Variants in BRD10 observed in about 807,000 individuals in gnomAD.
BRD10 encodes uncharacterized bromodomain-containing protein 10.
chr9:5,904,008 C>G, the BRD10 span, among the ~76,000 whole-genome samples: 1 of 152,042 alleles, frequency 6.6e-6, no homozygotes, highest in Admixed American at 6.6e-5. Context: ...CAGGTGTGCG[C>G]CACCAAGCCT....
At chr9:5,907,133 G>A in the BRD10 span, 6 of 441,792 alleles carry the variant, frequency 1.4e-5, no homozygotes, top group Non-Finnish European at 2.0e-5. Context: ...ACCTAAAAAT[G>A]GTTAAAATGG....
At chr9:5,972,909 A>G in the BRD10 span, among the ~76,000 whole-genome samples, 1 of 152,232 alleles carries the variant, frequency 6.6e-6, no homozygotes, top group Non-Finnish European at 1.5e-5. Context: ...AGAAATTTCC[A>G]TTCAGAGTAA....
At chr9:5,900,711 A>C in the BRD10 span, among the ~76,000 whole-genome samples, 1 of 152,132 alleles carries the variant, frequency 6.6e-6, no homozygotes, top group Non-Finnish European at 1.5e-5. Context: ...CTTGGTTAAC[A>C]ATTCCCCTGA....
At chr9:5,922,855 C>T in the BRD10 span, 78 of 1,613,810 alleles carry the variant, frequency 4.8e-5, no homozygotes, top group Admixed American at 7.8e-4. Context: ...CTGGCTTTAT[C>T]GGGCTTGCTT....
the BRD10 span, among the ~76,000 whole-genome samples, chr9:5,985,742 G>A: frequency 5.9e-5 from 9 of 151,662 alleles, no homozygotes; most frequent in African/African-American, 1.2e-4. Context: ...CCAAGGTTGC[G>A]CCACTGCACT....
chr9:5,923,448 G>C, the BRD10 span: 1 of 635,754 alleles, frequency 1.6e-6, no homozygotes, highest in Admixed American at 3.0e-5. Flanking sequence ...AAAAGCCTTA[G>C]CACCACTGAT....
At chr9:5,902,935 C>G in the BRD10 span, among the ~76,000 whole-genome samples, 1 of 152,132 alleles carries the variant, frequency 6.6e-6, no homozygotes, top group Admixed American at 6.6e-5. Flanking sequence ...GATCTTTCTT[C>G]TTCTCTAATA....
the BRD10 span, among the ~76,000 whole-genome samples, chr9:5,977,257 C>T: frequency 1.3e-5 from 2 of 152,194 alleles, no homozygotes; most frequent in Admixed American, 6.5e-5. Context: ...ACTCACACTG[C>T]TGCTGTTCCT....
the BRD10 span, among the ~76,000 whole-genome samples, chr9:5,945,878 T>C: frequency 1.3e-5 from 2 of 152,212 alleles, no homozygotes; most frequent in African/African-American, 4.8e-5. Context: ...AAAAGTCTTA[T>C]TGTAATGTTT....
the BRD10 span, among the ~76,000 whole-genome samples, chr9:5,986,558 C>A: frequency 6.6e-6 from 1 of 152,182 alleles, no homozygotes; most frequent in Non-Finnish European, 1.5e-5. Context: ...TCCACAACGG[C>A]TGAACTAATT....
the BRD10 span, among the ~76,000 whole-genome samples, chr9:5,882,685 C>G: frequency 6.6e-6 from 1 of 152,188 alleles, no homozygotes. Context: ...TTCACTTTTC[C>G]TTTAAAAACC....
chr9:5,990,209 G>A, the BRD10 span, among the ~76,000 whole-genome samples: 1 of 152,210 alleles, frequency 6.6e-6, no homozygotes, highest in South Asian at 2.1e-4. Flanking sequence ...ACCCAGGGAA[G>A]ATAGCCAACT....
the BRD10 span, chr9:5,968,766 AG>A: frequency 6.2e-7 from 1 of 1,613,934 alleles, no homozygotes; most frequent in Non-Finnish European, 8.5e-7. Context: ...GGGGCCTGAA[AG>A]GGTCTCTGTT....
the BRD10 span, among the ~76,000 whole-genome samples, chr9:5,982,281 TG>T: frequency 6.6e-6 from 1 of 152,176 alleles, no homozygotes; most frequent in African/African-American, 2.4e-5. Flanking sequence ...TTTCAGACAC[TG>T]GACAAACAGT....
chr9:5,997,410 C>G, the BRD10 span, among the ~76,000 whole-genome samples: 1 of 145,416 alleles, frequency 6.9e-6, no homozygotes, highest in Admixed American at 7.1e-5. Context: ...AGCCACATAT[C>G]TAATGGAAAA....
the BRD10 span, chr9:5,968,086 G>C: frequency 6.4e-7 from 1 of 1,562,882 alleles, no homozygotes; most frequent in Non-Finnish European, 8.7e-7. Context: ...TCTCAGGTTT[G>C]TAAGACTTGA....
the BRD10 span, chr9:5,892,372 G>A: frequency 1.0e-6 from 1 of 973,384 alleles, no homozygotes; most frequent in Non-Finnish European, 1.5e-6. Context: ...TAGTGAGGAT[G>A]CTGTTGTGGG....
chr9:6,000,277 C>A, the BRD10 span, among the ~76,000 whole-genome samples: 2 of 152,054 alleles, frequency 1.3e-5, no homozygotes, highest in African/African-American at 4.8e-5. Flanking sequence ...ACAGATACTA[C>A]CACTGGGGCT....
At chr9:5,981,295 A>G in the BRD10 span, among the ~76,000 whole-genome samples, 1 of 152,212 alleles carries the variant, frequency 6.6e-6, no homozygotes, top group Non-Finnish European at 1.5e-5. Context: ...TATCTTCTCA[A>G]AACAGTCTCT....
Sources: allele counts gnomAD v4.1 joint callset (sites outside exome capture counted in the v4.1 genomes callset), GRCh38; gene constraint gnomAD v4.1.1; transcripts MANE v1.5; gene names NCBI Gene and HGNC (gene_info 2026-07-23, HGNC 2026-07-21).